The following TPRG1 variants were observed in gnomAD, a reference collection of about 807,000 sequenced individuals.
The protein encoded by TPRG1 is tumor protein p63 regulated 1.
Under a neutral mutation model 29.3 loss-of-function variants are expected in TPRG1, and 29 were observed. The observed-to-expected ratio is 0.99, with a 90% CI of 0.74 to 1.35. The LOEUF is 1.35. TPRG1 is among the 40% of genes most tolerant of loss of function. The pLI is 0.00. For synonymous variants in TPRG1, 130 were observed against 116.8 expected (o/e 1.11, Z -0.73); for missense variants, 327 against 335.0 (o/e 0.98, Z 0.19).
intron 3 of TPRG1, among the ~76,000 whole-genome samples, chr3:189,013,631 C>T (rs746165695): frequency 6.6e-6 from 1 of 151,956 alleles, no homozygotes; most frequent in Non-Finnish European, 1.5e-5. Flanking sequence ...TTAAAGTATC[C>T]CACTATTATT....
intron 3 of TPRG1, among the ~76,000 whole-genome samples, chr3:189,232,018 G>A (rs1177413417): frequency 6.6e-6 from 1 of 151,044 alleles, no homozygotes; most frequent in African/African-American, 2.4e-5. Flanking sequence ...TAATGTTTGT[G>A]ATTTTTATTG....
intron 4 of TPRG1, among the ~76,000 whole-genome samples, chr3:189,077,379 TACTA>T (rs1055093913): frequency 6.6e-6 from 1 of 152,088 alleles, no homozygotes; most frequent in African/African-American, 2.4e-5. Context: ...TTTTTGCCTA[TACTA>T]ACTAACTAAT....
intron 1 of TPRG1, among the ~76,000 whole-genome samples, chr3:189,115,185 A>G (rs180820912): frequency 6.6e-6 from 1 of 152,344 alleles, no homozygotes; most frequent in East Asian, 1.9e-4. Context: ...GGCATTTTCT[A>G]TGTAGTAAAA....
At chr3:189,297,121 C>T (rs541875985) in intron 4 of TPRG1, among the ~76,000 whole-genome samples, 199 of 152,138 alleles carry the variant, frequency 1.3e-3, no homozygotes, top group Non-Finnish European at 2.2e-3. Flanking sequence ...GCTGGGACTA[C>T]AGGCACGCGC....
chr3:189,142,898 A>T (rs184266568), intron 3 of TPRG1, among the ~76,000 whole-genome samples: 3 of 152,148 alleles, frequency 2.0e-5, no homozygotes, highest in Admixed American at 6.6e-5. Context: ...ACTTCCCACC[A>T]CCTCATTAAT....
chr3:189,128,924 C>T (rs1722793988), intron 2 of TPRG1, among the ~76,000 whole-genome samples: 1 of 152,112 alleles, frequency 6.6e-6, no homozygotes, highest in Non-Finnish European at 1.5e-5. Context: ...CGTGAGCTGC[C>T]GCACCCGGCC....
intron 1 of TPRG1, among the ~76,000 whole-genome samples, chr3:189,113,001 T>C (rs1005994941): frequency 6.6e-5 from 10 of 152,182 alleles, no homozygotes; most frequent in African/African-American, 1.4e-4. Context: ...ATTCTTCCTA[T>C]CCATGAGCAT....
chr3:189,070,578 A>G (rs1323297215), intron 4 of TPRG1, among the ~76,000 whole-genome samples: 1 of 152,206 alleles, frequency 6.6e-6, no homozygotes, highest in Admixed American at 6.5e-5. Flanking sequence ...TATATGTATT[A>G]TTTCTCACAA....
chr3:189,117,222 A>T (rs1401231021), intron 1 of TPRG1, among the ~76,000 whole-genome samples: 1 of 152,236 alleles, frequency 6.6e-6, no homozygotes, highest in Non-Finnish European at 1.5e-5. Flanking sequence ...GAAGGTAAGC[A>T]TATATAAGGT....
intron 4 of TPRG1, among the ~76,000 whole-genome samples, chr3:189,303,065 G>A (rs1721085286): frequency 6.6e-6 from 1 of 152,104 alleles, no homozygotes; most frequent in Non-Finnish European, 1.5e-5. Flanking sequence ...TTCATAAAGG[G>A]AAGCAGTATA....
chr3:189,062,020 A>C (rs547317473), intron 4 of TPRG1, among the ~76,000 whole-genome samples: 1 of 152,360 alleles, frequency 6.6e-6, no homozygotes, highest in East Asian at 1.9e-4. Context: ...ACAATAGCAA[A>C]GACATGGAAT....
chr3:189,278,677 C>T (rs1050295442), intron 4 of TPRG1, among the ~76,000 whole-genome samples: 1 of 152,202 alleles, frequency 6.6e-6, no homozygotes, highest in Non-Finnish European at 1.5e-5. Context: ...AAAACATCTC[C>T]TATGCTTCTG....
chr3:189,300,835 G>C (rs1720710925), intron 4 of TPRG1, among the ~76,000 whole-genome samples: 1 of 152,150 alleles, frequency 6.6e-6, no homozygotes, highest in South Asian at 2.1e-4. Context: ...TTTACTAGTA[G>C]AGCTCATGGC....
chr3:189,219,518 GAA>G (rs5855244), intron 3 of TPRG1: 87,948 of 951,574 alleles, frequency 0.092, 1,371 homozygotes, highest in Middle Eastern at 0.11. Context: ...TGGCCCTTCT[GAA>G]AAAAAAAAAA....
At chr3:189,131,654 G>A (rs1239868223) in intron 2 of TPRG1, among the ~76,000 whole-genome samples, 1 of 152,176 alleles carries the variant, frequency 6.6e-6, no homozygotes, top group Non-Finnish European at 1.5e-5. Context: ...AGTGAATGAG[G>A]CAGATCTGGG....
intron 1 of TPRG1, among the ~76,000 whole-genome samples, chr3:189,110,847 A>G (rs1369846544): frequency 2.0e-5 from 3 of 151,774 alleles, no homozygotes; most frequent in African/African-American, 7.2e-5. Flanking sequence ...TTGCTTTTGT[A>G]CCTTTATTGA....
chr3:189,006,788 T>C (rs1712311688), intron 3 of TPRG1, among the ~76,000 whole-genome samples: 1 of 152,156 alleles, frequency 6.6e-6, no homozygotes, highest in Non-Finnish European at 1.5e-5. Context: ...GCTTCTCGCC[T>C]AAGTGTTTGT....
At chr3:189,009,192 A>G (rs192075835) in intron 3 of TPRG1, among the ~76,000 whole-genome samples, 2 of 152,104 alleles carry the variant, frequency 1.3e-5, no homozygotes, top group Non-Finnish European at 2.9e-5. Flanking sequence ...CCGGCTGGCT[A>G]TGAGAGCTAC....
intron 4 of TPRG1, among the ~76,000 whole-genome samples, chr3:189,275,765 C>A (rs768121946): frequency 3.3e-5 from 5 of 151,940 alleles, no homozygotes; most frequent in Non-Finnish European, 7.4e-5. Flanking sequence ...TAGGGAAATG[C>A]ATCCATTTTA....
Sources: gnomAD v4.1 joint callset for allele counts (sites outside exome capture counted in the v4.1 genomes callset) on GRCh38, gnomAD v4.1.1 for gene constraint, MANE v1.5 for transcripts, NCBI Gene and HGNC (gene_info 2026-07-23, HGNC 2026-07-21) for gene names.